CDHR3: variants seen among roughly 807,000 people sequenced by gnomAD.
CDHR3 encodes cadherin-related family member 3.
In CDHR3, 79 loss-of-function variants were observed where a neutral mutation model predicts 86.6. The observed-to-expected ratio is 0.91, with a 90% CI of 0.76 to 1.10. The LOEUF is 1.10. Among genes scored for constraint, CDHR3 ranks in the 50% least tolerant of loss-of-function variants. The pLI is 0.00. For synonymous variants in CDHR3, 421 were observed against 402.4 expected (o/e 1.05, Z -0.55); for missense variants, 1,081 against 1,077.6 (o/e 1.00, Z -0.04).
In CDHR3 at chr7:105,976,167, A is replaced by AGCT. The variant is rs1828777500; in HGVS notation, c.249+1131_249+1133dup. 9.2e-5 allele frequency among the ~76,000 whole-genome samples: 14 copies of AGCT among 152,270 alleles called. 1 individual carries two copies. The South Asian group carries it at 2.9e-3, about 32-fold the overall frequency. On this transcript the variant is annotated intron_variant, in intron 2 of 18. Transcript: ENST00000317716. Reference sequence around the variant, plus strand: ...CCTAGACATTCAGCTTGTCTTTAACAGCTGCTGCTGCTCCTTGGTTCCTGT... The same window carrying AGCT: ...CCTAGACATTCAGCTTGTCTTTAACAGCTGCTGCTGCTGCTCCTTGGTTCCTGT...
intron 2 of CDHR3, among the ~76,000 whole-genome samples, chr7:105,976,715 C>CT (rs147108831): frequency 0.01 from 1,573 of 152,270 alleles, 31 homozygotes; most frequent in African/African-American, 0.035. Flanking sequence ...AGTATGTGGT[C>CT]TTTAATGACT....
intron 6 of CDHR3, among the ~76,000 whole-genome samples, chr7:105,997,386 A>G (rs1430462869): frequency 1.3e-5 from 2 of 152,048 alleles, no homozygotes; most frequent in Non-Finnish European, 2.9e-5. Flanking sequence ...TCCTTTTTCA[A>G]TCCTTGACCC....
intron 16 of CDHR3, chr7:106,028,321 A>T (rs1837691560): frequency 1.8e-6 from 1 of 557,462 alleles, no homozygotes; most frequent in Non-Finnish European, 3.2e-6. Flanking sequence ...ATAAAAAACA[A>T]CTAAATTGTT....
rs927769974 is a variant in CDHR3, at chr7:106,027,614, C to A, written c.2272+919C>A. 1.3e-5 allele frequency: 6 copies of A among 447,968 alleles called. No homozygotes were observed. The East Asian group carries it at 3.5e-4, about 26-fold the overall frequency. The allele number at this position is 447,968 out of a possible 1,614,324, so 27.7% of individuals were successfully genotyped here. ...TCCTGGCTTGGCCTCAAGTAGACTC[C>A]AGAGTGTGGGGGAGACAGGACAAAG... On this transcript the variant is annotated intron_variant, in intron 16 of 18. Coordinates refer to ENST00000317716, the MANE Select transcript of CDHR3 (RefSeq NM_152750.5).
chr7:105,995,939 T>G (rs1417270122), intron 5 of CDHR3, among the ~76,000 whole-genome samples: 1 of 151,728 alleles, frequency 6.6e-6, no homozygotes, highest in Non-Finnish European at 1.5e-5. Flanking sequence ...CCAGTGGGAG[T>G]GATATGCACT....
intron 11 of CDHR3, among the ~76,000 whole-genome samples, chr7:106,016,432 TA>T (rs1835632058): frequency 1.3e-5 from 2 of 152,156 alleles, no homozygotes; most frequent in Admixed American, 1.3e-4. Context: ...ACAAACAAAA[TA>T]AAGGCATTTT....
chr7:105,994,673 G>C, intron 4 of CDHR3, 78 bp from the exon 5 acceptor site: 1 of 962,704 alleles, frequency 1.0e-6, no homozygotes, highest in Non-Finnish European at 1.6e-6. Flanking sequence ...ACATAAAATA[G>C]GAAATGAGCA....
intron 4 of CDHR3, among the ~76,000 whole-genome samples, chr7:105,984,831 G>A (rs2115698073): frequency 6.6e-6 from 1 of 152,256 alleles, no homozygotes; most frequent in African/African-American, 2.4e-5. Context: ...TCCCAAGATA[G>A]GAGGATGGCT....
intron 6 of CDHR3, among the ~76,000 whole-genome samples, chr7:105,996,949 A>C (rs1832341576): frequency 6.6e-6 from 1 of 152,022 alleles, no homozygotes; most frequent in Non-Finnish European, 1.5e-5. Flanking sequence ...CCAGGCACAA[A>C]ATGAAGATCT....
intron 16 of CDHR3, 77 bp downstream of exon 16, chr7:106,026,772 G>T: frequency 1.4e-6 from 2 of 1,471,770 alleles, no homozygotes; most frequent in Non-Finnish European, 1.9e-6. Flanking sequence ...TTCCTACTCG[G>T]CAAAGAATCA....
At chr7:106,006,306 C>T (rs1249583239) in intron 8 of CDHR3, among the ~76,000 whole-genome samples, 1 of 152,196 alleles carries the variant, frequency 6.6e-6, no homozygotes, top group South Asian at 2.1e-4. Flanking sequence ...CTTCCCAAAT[C>T]TCACGTTCTC....
At chr7:106,021,610 C>G (rs1240236428) in intron 13 of CDHR3, among the ~76,000 whole-genome samples, 1 of 152,208 alleles carries the variant, frequency 6.6e-6, no homozygotes, top group Non-Finnish European at 1.5e-5. Context: ...CCCAGCAGAG[C>G]TGTGTGTGTG....
intron 1 of CDHR3, among the ~76,000 whole-genome samples, chr7:105,969,667 A>C (rs2086801868): frequency 6.6e-6 from 1 of 152,232 alleles, no homozygotes; most frequent in African/African-American, 2.4e-5. Flanking sequence ...GATCCAAGAC[A>C]GTGCATTCTT....
intron 1 of CDHR3, among the ~76,000 whole-genome samples, chr7:105,965,442 C>G (rs1044134149): frequency 6.6e-6 from 1 of 152,076 alleles, no homozygotes; most frequent in Non-Finnish European, 1.5e-5. Flanking sequence ...CCATTGCACT[C>G]CAGCCTGGGC....
chr7:106,019,082 G>T (rs1460079472), intron 12 of CDHR3, among the ~76,000 whole-genome samples: 4 of 152,156 alleles, frequency 2.6e-5, no homozygotes, highest in African/African-American at 9.7e-5. Context: ...GTAAAAAAGC[G>T]TGAAGGCAAA....
At chr7:105,979,207 A>G (rs961064160) in intron 2 of CDHR3, among the ~76,000 whole-genome samples, 4 of 152,138 alleles carry the variant, frequency 2.6e-5, no homozygotes, top group Admixed American at 2.6e-4. Flanking sequence ...AAGGTTAAGC[A>G]ATGGGAAGGC....
chr7:105,990,411 C>T (rs1347646188), intron 4 of CDHR3, among the ~76,000 whole-genome samples: 2 of 152,144 alleles, frequency 1.3e-5, no homozygotes, highest in Admixed American at 6.5e-5. Context: ...TCCTCCTCCA[C>T]GTCCCACCTC....
rs770890683 is a variant in CDHR3, at chr7:106,016,021, G to A, written c.1422G>A (p.Arg474=). ...ATGTATTTGATGTGTCAGAAAGAAG[G>A]CCCGGTAAGTAACAGATAAGACACA... ...PSYVFDVSER[R]PARTRVGQVR... Residue 474 remains arginine, a synonymous_variant, in exon 11 of 19, where the codon AGG becomes AGA. Transcript: ENST00000317716. 2 of 1,603,606 alleles carry A rather than the reference G, an allele frequency of 1.2e-6. No individual in the cohort carries two copies. Among genetic ancestry groups the A allele is most frequent in the East Asian group, 4.5e-5 (2 of 44,828 alleles).
intron 14 of CDHR3, among the ~76,000 whole-genome samples, chr7:106,022,674 C>G (rs939838356): frequency 7.2e-5 from 11 of 152,194 alleles, no homozygotes; most frequent in Admixed American, 5.2e-4. Context: ...ATTTCCTGTT[C>G]TGGTAGAGAA....
Sources: gnomAD v4.1 joint callset for allele counts (sites outside exome capture counted in the v4.1 genomes callset) on GRCh38, gnomAD v4.1.1 for gene constraint, MANE v1.5 for transcripts, NCBI Gene and HGNC (gene_info 2026-07-23, HGNC 2026-07-21) for gene names.